The following SLC29A1 variants were observed in gnomAD, a reference collection of about 807,000 sequenced individuals.
SLC29A1 encodes the protein equilibrative nucleoside transporter 1.
A neutral mutation model predicts 48.3 loss-of-function variants in SLC29A1; 22 were observed. The observed-to-expected ratio is 0.46, with a 90% CI of 0.33 to 0.65. SLC29A1 has a LOEUF of 0.65. Ranked by LOEUF, SLC29A1 falls within the 30% of genes least tolerant of loss-of-function variation. The probability of loss-of-function intolerance (pLI) is 0.03; values close to 1 mark genes in which losing one functional copy is unlikely to be tolerated. For missense variants in SLC29A1, 491 were observed against 575.3 expected (o/e 0.85, Z 1.50); for synonymous variants, 228 against 231.0 (o/e 0.99, Z 0.12).
intron 12 of SLC29A1, 22 bp from the exon 13 acceptor site, chr6:44,233,391 AGCCT>A: frequency 1.3e-6 from 2 of 1,581,988 alleles, no homozygotes; most frequent in Non-Finnish European, 1.7e-6. Flanking sequence ...ATTCTGAGGT[AGCCT>A]TGCCCTTCCT....
Position 44,232,926 on chromosome 6 carries a change from T to G in SLC29A1, c.1179T>G (p.Asp393Glu). ...RRYLTVVFEH[D>E]AWFIFFMAAF... ...ACCTGACTGTGGTCTTCGAGCACGA[T>G]GCCTGGTTCATCTTCTTCATGGCTG... Residue 393 changes from aspartate to glutamate, a missense_variant, in exon 12 of 13, where the codon GAT becomes GAG. Coordinates refer to ENST00000371755, the MANE Select transcript of SLC29A1 (RefSeq NM_001372327.1). This position sits in a 1 kb window ranked among gnomAD's most constrained non-coding sequence, Gnocchi z 4.7. The G allele has an allele frequency of 6.2e-7, 1 of 1,614,184 alleles. No individual in the cohort carries two copies.
In SLC29A1 at chr6:44,233,725, G is replaced by A; in HGVS notation, c.*197G>A. 1.7e-6 allele frequency: 1 copy of A among 594,158 alleles called. No homozygotes were observed. The highest frequency in any genetic ancestry group is 3.0e-5 in the Admixed American group (1 of 33,784). 36.8% of individuals were successfully genotyped at this position (594,158 alleles called of 1,614,324 possible). A position where few individuals can be genotyped will look rare whatever the true frequency, so the allele number is the denominator to read the frequency against. Reference sequence around the variant, plus strand: ...GGACAGTGGGGACATTGTGGGTTTGGGGCTCAGAGTCGAGGGACGGGGTGT... The same window carrying A: ...GGACAGTGGGGACATTGTGGGTTTGAGGCTCAGAGTCGAGGGACGGGGTGT... On this transcript the variant is annotated 3_prime_UTR_variant, in exon 13 of 13. Coordinates refer to ENST00000371755, the MANE Select transcript of SLC29A1 (RefSeq NM_001372327.1).
rs751608252 is a variant in SLC29A1, at chr6:44,229,783, G to T, written c.306G>T (p.Leu102=). The T allele has an allele frequency of 6.2e-7, 1 of 1,613,538 alleles. No individual in the cohort carries two copies. Among genetic ancestry groups the T allele is most frequent in the South Asian group, 1.1e-5 (1 of 91,068 alleles). The change falls in exon 4 of 13, where the codon CTG becomes CTT. Residue 102 remains leucine (L), a synonymous_variant. Transcript: ENST00000371755. The surrounding 1 kb of genome is among the most constrained non-coding windows in gnomAD (Gnocchi z 5.1). The stretch of plus-strand genomic sequence containing the variant: ...TATTCACCTACCTCAACTCCTTCCT[G>T]CATCAGAGGTGAGTGCCCACCCCCT... ...LLLFTYLNSF[L]HQRIPQSVRI...
chr6:44,220,841 A>C (rs957443750), upstream of SLC29A1, among the ~76,000 whole-genome samples: 1 of 151,270 alleles, frequency 6.6e-6, no homozygotes, highest in Non-Finnish European at 1.5e-5. Context: ...AAGAAAAAAA[A>C]AAACAAACTT....
Position 44,230,877 on chromosome 6 carries a change from C to G in SLC29A1, c.754C>G (p.Leu252Val). Reference protein sequence around the residue: ...GPGEQETKLDLISKGEEPRAG... With the variant: ...GPGEQETKLDVISKGEEPRAG... ...CGGGGAGCAGGAGACCAAGTTGGAC[C>G]TCATTAGCAAAGGTCCGAAGAGCCT... Residue 252 changes from leucine to valine, a missense_variant, in exon 8 of 13, where the codon CTC becomes GTC. Transcript: ENST00000371755. The G allele has an allele frequency of 6.2e-7, 1 of 1,613,862 alleles. No individual in the cohort carries two copies. The highest frequency in any genetic ancestry group is 1.1e-5 in the South Asian group (1 of 91,076).
chr6:44,227,713 C>A (rs1249719583), intron 2 of SLC29A1, among the ~76,000 whole-genome samples: 1 of 152,248 alleles, frequency 6.6e-6, no homozygotes, highest in Non-Finnish European at 1.5e-5. Flanking sequence ...TGACCTGGCC[C>A]ACCCTGGTTC....
chr6:44,219,678 C>A, upstream of SLC29A1: 1 of 1,284,808 alleles, frequency 7.8e-7, no homozygotes, highest in Non-Finnish European at 1.0e-6. Context: ...CCAGCTGTGG[C>A]TATGGCCCCA....
chr6:44,228,200 G>T (rs1777995771), intron 2 of SLC29A1, among the ~76,000 whole-genome samples: 1 of 152,182 alleles, frequency 6.6e-6, no homozygotes, highest in Non-Finnish European at 1.5e-5. Flanking sequence ...TTCCCAGGCT[G>T]CCTGCCCATT....
At position 44,223,847 on chromosome 6, in the gene SLC29A1, C is replaced by T; in HGVS notation, c.-52+206C>T. The T allele has an allele frequency of 1.0e-6, 1 of 996,446 alleles. No homozygotes were observed. Among genetic ancestry groups the T allele is most frequent in the Non-Finnish European group, 1.2e-6 (1 of 837,080 alleles). 61.7% of individuals were successfully genotyped at this position (996,446 alleles called of 1,614,324 possible). ...GGGAGCCTGAGGACCCTGCGGGGAC[C>T]GGGACCCAAGCTGGGCGGGGCGGCC... is the stretch of plus-strand genomic sequence containing the variant. On this transcript the variant is annotated intron_variant, in intron 1 of 12. Transcript: ENST00000371755. The surrounding 1 kb of genome is among the most constrained non-coding windows in gnomAD (Gnocchi z 5.0).
At chr6:44,222,692 T>C (rs901427403), upstream of SLC29A1, among the ~76,000 whole-genome samples, 19 of 152,172 alleles carry the variant, frequency 1.2e-4, no homozygotes, top group African/African-American at 4.6e-4. Context: ...AGGGACTTGC[T>C]GGACCACCCC....
upstream of SLC29A1, among the ~76,000 whole-genome samples, chr6:44,220,628 C>T (rs1462012330): frequency 2.0e-5 from 3 of 147,826 alleles, no homozygotes; most frequent in African/African-American, 7.5e-5. Context: ...GCCTGACCAA[C>T]GTGGTGAAAC....
Position 44,230,651 on chromosome 6 carries a change from G to C in SLC29A1, c.673G>C (p.Gly225Arg), listed in dbSNP as rs766358063. Residue 225 changes from glycine to arginine, a missense_variant, in exon 7 of 13, where the codon GGC becomes CGC. Physicochemically the swap from Gly to Arg is moderately radical, Grantham distance 125. Transcript: ENST00000371755. The stretch of plus-strand genomic sequence containing the variant: ...CATTTTGACCATCATCTGTTACCTG[G>C]GCCTGCCCCGCCTGGTGAGTAAATG... ...VIILTIICYL[G>R]LPRLEFYRYY... is the part of the protein sequence containing the mutation. 2 of 1,612,916 alleles carry C rather than the reference G, an allele frequency of 1.2e-6. No homozygotes were observed. Among genetic ancestry groups the C allele is most frequent in the Admixed American group, 3.3e-5 (2 of 59,926 alleles).
At position 44,233,084 on chromosome 6, in the gene SLC29A1, G is replaced by A. The variant is rs1012628433; in HGVS notation, c.1259+78G>A. On this transcript the variant is annotated intron_variant, in intron 12 of 12. Coordinates refer to ENST00000371755, the MANE Select transcript of SLC29A1 (RefSeq NM_001372327.1). ...AGTGGGGGACACTCAGTAGAGGGAG[G>A]GCAAAAGGAGAGTCCCTGCTCCCAG... 4 of 1,427,166 alleles carry A rather than the reference G, an allele frequency of 2.8e-6. No individual in the cohort carries two copies. The African/African-American group carries it at 5.6e-5, about 20-fold the overall frequency. The allele number at this position is 1,427,166 out of a possible 1,614,324, so 88.4% of individuals were successfully genotyped here.
chr6:44,231,601 C>A, intron 9 of SLC29A1, 140 bp downstream of exon 9: 1 of 645,792 alleles, frequency 1.5e-6, no homozygotes, highest in South Asian at 1.8e-5. Flanking sequence ...GCGTGCGTGC[C>A]CATGCGTGCG....
chr6:44,232,982 G>C lies in SLC29A1; in HGVS notation c.1235G>C (p.Ser412Thr). Residue 412 changes from serine (S) to threonine (T), a missense_variant, in exon 12 of 13, where the codon AGC (serine) becomes ACC (threonine). Transcript: ENST00000371755. This position sits in a 1 kb window ranked among gnomAD's most constrained non-coding sequence, Gnocchi z 4.7. ...GCCTTCTCCAACGGCTACCTCGCCA[G>C]CCTCTGCATGTGCTTCGGGCCCAAG... ...AFAFSNGYLASLCMCFGPKKV... is the reference protein window; with the variant it reads ...AFAFSNGYLATLCMCFGPKKV... 1.2e-6 allele frequency: 2 copies of C among 1,613,444 alleles called. No individual in the cohort carries two copies. The highest frequency in any genetic ancestry group is 1.7e-6 in the Non-Finnish European group (2 of 1,180,044).
At chr6:44,219,694 G>A (rs1472470193), upstream of SLC29A1, 8 of 1,288,290 alleles carry the variant, frequency 6.2e-6, no homozygotes, top group African/African-American at 1.1e-4. Flanking sequence ...CCCCAGCCCC[G>A]AGATGAGGAG....
chr6:44,226,885 C>T (rs1173760062), intron 1 of SLC29A1: 25 of 1,057,958 alleles, frequency 2.4e-5, no homozygotes, highest in Non-Finnish European at 2.6e-5. Flanking sequence ...TGACCCCTCT[C>T]GTCCTCTTGC....
Position 44,229,429 on chromosome 6 carries a change from G to A in SLC29A1, c.69G>A (p.Leu23=). 2 of 1,614,162 alleles carry A rather than the reference G, an allele frequency of 1.2e-6. No homozygotes were observed. The highest frequency in any genetic ancestry group is 1.7e-6 in the Non-Finnish European group (2 of 1,180,016). The change falls in exon 3 of 13, where the codon CTG becomes CTA. Residue 23 remains leucine (L), a synonymous_variant. Transcript: ENST00000371755. This position sits in a 1 kb window ranked among gnomAD's most constrained non-coding sequence, Gnocchi z 5.1. ...GGCTTATCTTCTTCATGCTGGGTCT[G>A]GGAACGCTGCTCCCGTGGAATTTTT... ...AVWLIFFMLG[L]GTLLPWNFFM...
At position 44,232,103 on chromosome 6, in the gene SLC29A1, T is replaced by G. The variant is rs1222014250; in HGVS notation, c.970T>G (p.Trp324Gly). The change falls in exon 10 of 13, where the codon TGG (tryptophan) becomes GGG (glycine). Residue 324 changes from tryptophan to glycine, a missense_variant. Physicochemically the swap from Trp to Gly is radical, Grantham distance 184. Coordinates refer to ENST00000371755, the MANE Select transcript of SLC29A1 (RefSeq NM_001372327.1). This position sits in a 1 kb window ranked among gnomAD's most constrained non-coding sequence, Gnocchi z 4.7. Reference sequence around the variant, plus strand: ...GTCCAGCATCGCAGGCAGCAGCACCTGGGGTGAGGATGCCACAGGTTTCCA... The same window carrying G: ...GTCCAGCATCGCAGGCAGCAGCACCGGGGGTGAGGATGCCACAGGTTTCCA... ...VKSSIAGSST[W>G]ERYFIPVSCF... The G allele has an allele frequency of 6.2e-6, 10 of 1,610,134 alleles. No individual in the cohort carries two copies. The highest frequency in any genetic ancestry group is 6.8e-6 in the Non-Finnish European group (8 of 1,176,424).
Sources: gnomAD v4.1 joint callset for allele counts (sites outside exome capture counted in the v4.1 genomes callset) on GRCh38, gnomAD v4.1.1 for gene constraint, Gnocchi (gnomAD v3.1) non-coding constraint, MANE v1.5 for transcripts, NCBI Gene and HGNC (gene_info 2026-07-23, HGNC 2026-07-21) for gene names.